OXR1: variants seen among roughly 807,000 people sequenced by gnomAD.
OXR1 encodes oxidation resistance 1, also known as oxidation resistance protein 1.
In OXR1, 41 loss-of-function variants were observed where a neutral mutation model predicts 104.6. That is an observed-to-expected ratio of 0.39 (90% confidence interval 0.31 to 0.51). The LOEUF (loss-of-function observed/expected upper bound fraction) is 0.51, where lower values mean the gene tolerates loss of function less well. Ranked by LOEUF, OXR1 falls within the 20% of genes least tolerant of loss-of-function variation. The pLI, the probability that OXR1 is intolerant of heterozygous loss-of-function variation, is 0.77. For synonymous variants in OXR1, 348 were observed against 348.4 expected (o/e 1.00, Z 0.01); for missense variants, 955 against 1,031.9 (o/e 0.93, Z 1.02).
chr8:106,408,147 T>A (rs1818313974), intron 2 of OXR1, among the ~76,000 whole-genome samples: 1 of 152,164 alleles, frequency 6.6e-6, no homozygotes, highest in Non-Finnish European at 1.5e-5. Context: ...CAAATAGCGT[T>A]GCTCTTGAGA....
At chr8:106,397,112 G>A (rs1161920765) in intron 2 of OXR1, among the ~76,000 whole-genome samples, 1 of 152,098 alleles carries the variant, frequency 6.6e-6, no homozygotes, top group Non-Finnish European at 1.5e-5. Flanking sequence ...TGGTGATACT[G>A]ATTGCCTTGA....
chr8:106,465,062 G>A (rs1051828434), intron 2 of OXR1, among the ~76,000 whole-genome samples: 2 of 151,940 alleles, frequency 1.3e-5, no homozygotes, highest in Non-Finnish European at 2.9e-5. Context: ...ATAATTTTCA[G>A]TATTAAGGAG....
intron 1 of OXR1, among the ~76,000 whole-genome samples, chr8:106,330,586 T>TG (rs1191938674): frequency 1.3e-5 from 2 of 152,224 alleles, no homozygotes; most frequent in African/African-American, 4.8e-5. Flanking sequence ...GAAGCTTCTC[T>TG]GGAGCTGTTT....
In OXR1 at chr8:106,507,085, T is replaced by G. The variant is rs560844861; in HGVS notation, c.24-11858T>G. ...AGGAGACACAGTGAGAGCCTGTCTC[T>G]TAAAAAAAGAAAAGAAAAAGAGGCT... On this transcript the variant is annotated intron_variant, in intron 2 of 16. Transcript: ENST00000517566. Among the ~76,000 whole-genome samples the G allele has an allele frequency of 4.6e-5, 7 of 152,032 alleles. No homozygotes were observed. In the East Asian group the frequency reaches 1.4e-3, roughly 29 times the overall value.
rs548382593 is a variant in OXR1 at position 106,410,191 on chromosome 8, A to G, written c.23+50555A>G. ...CGAGGAAAAGAATGTAGGTACACCA[A>G]ATTTTCTGTAGATTGAATTATAGTT... On this transcript the variant is annotated intron_variant, in intron 2 of 16. Coordinates refer to ENST00000517566, the MANE Select transcript of OXR1 (RefSeq NM_001198533.2). 3.9e-4 allele frequency among the ~76,000 whole-genome samples: 59 copies of G among 152,246 alleles called. 1 individual carries two copies. In the Middle Eastern group the frequency reaches 0.01, roughly 26 times the overall value.
chr8:106,660,803 A>G (rs28921383), intron 3 of OXR1, among the ~76,000 whole-genome samples: 2,033 of 152,266 alleles, frequency 0.013, 45 homozygotes, highest in African/African-American at 0.045. Flanking sequence ...ACCTGAGGTC[A>G]GGAGTTCGAG....
At chr8:106,281,056 T>G (rs1812259318) in intron 1 of OXR1, among the ~76,000 whole-genome samples, 1 of 152,096 alleles carries the variant, frequency 6.6e-6, no homozygotes, top group South Asian at 2.1e-4. Context: ...GATTTTTCTC[T>G]CATGTGAAAA....
At chr8:106,480,972 A>C (rs1048361759) in intron 2 of OXR1, among the ~76,000 whole-genome samples, 4 of 152,026 alleles carry the variant, frequency 2.6e-5, no homozygotes, top group African/African-American at 9.7e-5. Context: ...AGTAAAAATA[A>C]ATTGGTAACT....
At chr8:106,389,054 A>G (rs1211029866) in intron 2 of OXR1, among the ~76,000 whole-genome samples, 1 of 152,212 alleles carries the variant, frequency 6.6e-6, no homozygotes, top group African/African-American at 2.4e-5. Flanking sequence ...TTCTAATAAG[A>G]AGAATCATAG....
At chr8:106,669,018 C>T (rs559841796) in intron 3 of OXR1, among the ~76,000 whole-genome samples, 1 of 152,220 alleles carries the variant, frequency 6.6e-6, no homozygotes, top group African/African-American at 2.4e-5. Flanking sequence ...GGCTCTATAG[C>T]TCTTTAATAT....
At chr8:106,622,950 A>G (rs1821847370) in intron 3 of OXR1, among the ~76,000 whole-genome samples, 1 of 152,206 alleles carries the variant, frequency 6.6e-6, no homozygotes, top group Non-Finnish European at 1.5e-5. Context: ...TGTACCCTCA[A>G]TAGGTACAAT....
chr8:106,387,457 G>A (rs568116891), intron 2 of OXR1, among the ~76,000 whole-genome samples: 1 of 152,084 alleles, frequency 6.6e-6, no homozygotes, highest in Admixed American at 6.5e-5. Flanking sequence ...CGTTCTCATG[G>A]GTCTGAAAAA....
chr8:106,610,465 T>G (rs1220908216), intron 3 of OXR1, among the ~76,000 whole-genome samples: 1 of 152,198 alleles, frequency 6.6e-6, no homozygotes, highest in Non-Finnish European at 1.5e-5. Context: ...CAGATCAAAA[T>G]CCAAATCCTC....
intron 11 of OXR1, among the ~76,000 whole-genome samples, chr8:106,734,046 A>G (rs1285925456): frequency 6.7e-6 from 1 of 148,480 alleles, no homozygotes. Flanking sequence ...GATGGAGTGC[A>G]GTGGCTTGAT....
Position 106,742,238 on chromosome 8 carries a change from C to T in OXR1, c.2333C>T (p.Ala778Val), listed in dbSNP as rs748432623. 3.4e-5 allele frequency: 55 copies of T among 1,602,588 alleles called. No homozygotes were observed. The highest frequency in any genetic ancestry group is 4.3e-5 in the Non-Finnish European group (50 of 1,170,026). The change falls in exon 15 of 17, where the codon GCA becomes GTA. Residue 778 changes from alanine to valine, a missense_variant. Physicochemically the swap from Ala to Val is moderately conservative, Grantham distance 64 (BLOSUM62 0). Around this residue, in one of 2 missense-constraint regions of OXR1, gnomAD observed 106 missense variants for 179.0 expected, o/e 0.59. Transcript: ENST00000517566. Reference protein sequence around the residue: ...DSDGQVFGALASEPLKVSDGF... With the variant: ...DSDGQVFGALVSEPLKVSDGF... Reference sequence around the variant, plus strand: ...TATCCTTAGGTTTTTGGTGCGTTAGCATCTGAGCCACTGAAAGTGAGTGAT... The same window carrying T: ...TATCCTTAGGTTTTTGGTGCGTTAGTATCTGAGCCACTGAAAGTGAGTGAT...
At chr8:106,466,435 T>C (rs1043874295) in intron 2 of OXR1, among the ~76,000 whole-genome samples, 1 of 151,814 alleles carries the variant, frequency 6.6e-6, no homozygotes, top group East Asian at 1.9e-4. Flanking sequence ...ATTAAACTAG[T>C]GTAGTTTGAT....
rs1267807138 is a variant in OXR1, at chr8:106,692,675, TTTTTA to T, written c.526-48_526-44del. On this transcript the variant is annotated intron_variant, in intron 6 of 16. Transcript: ENST00000517566. ...ATTTGACTTTTTAATAGTGTGCTCATTTTTATTTTGTTTTCTGCTTTTTTTTTTCT... is the reference window on the plus strand; with the variant it reads ...ATTTGACTTTTTAATAGTGTGCTCATTTTTGTTTTCTGCTTTTTTTTTTCT... 2.5e-6 allele frequency: 3 copies of T among 1,219,064 alleles called. No individual in the cohort carries two copies. The East Asian group carries it at 7.4e-5, about 30-fold the overall frequency. 75.5% of individuals were successfully genotyped at this position (1,219,064 alleles called of 1,614,324 possible).
intron 2 of OXR1, among the ~76,000 whole-genome samples, chr8:106,473,875 A>G (rs59074901): frequency 0.036 from 5,363 of 149,052 alleles, 352 homozygotes; most frequent in African/African-American, 0.13. Context: ...CCACCATTAT[A>G]AGTACTATAG....
At chr8:106,420,730 T>TTGTGTGTG (rs6150748) in intron 2 of OXR1, among the ~76,000 whole-genome samples, 21,370 of 147,142 alleles carry the variant, frequency 0.15, 1,606 homozygotes, top group Middle Eastern at 0.16. Flanking sequence ...CATTAAAATA[T>TTGTGTGTG]TGTGTGTGTG....
Sources: allele counts gnomAD v4.1 joint callset (sites outside exome capture counted in the v4.1 genomes callset), GRCh38; gene constraint gnomAD v4.1.1; regional missense constraint gnomAD v4.1.1; transcripts MANE v1.5; gene names NCBI Gene and HGNC (gene_info 2026-07-23, HGNC 2026-07-21).